The following LEPR variants were observed in gnomAD, a reference collection of about 807,000 sequenced individuals.
LEPR encodes OB receptor.
Under a neutral mutation model 114.7 loss-of-function variants are expected in LEPR, and 56 were observed. That is an observed-to-expected ratio of 0.49 (90% CI 0.39 to 0.61). The LOEUF is 0.61. Among genes scored for constraint, LEPR ranks in the 20% least tolerant of loss-of-function variants. The pLI is 0.00. For missense variants in LEPR, 1,202 were observed against 1,352.9 expected (o/e 0.89, Z 1.75); for synonymous variants, 443 against 461.4 (o/e 0.96, Z 0.51).
intron 6 of LEPR, among the ~76,000 whole-genome samples, chr1:65,595,295 T>G (rs78198348): frequency 2.6e-5 from 1 of 39,102 alleles, no homozygotes; most frequent in African/African-American, 1.2e-4. Context: ...TAGGCATACA[T>G]ATACATAAGG....
At chr1:65,470,712 T>C (rs370521801) in intron 2 of LEPR, among the ~76,000 whole-genome samples, 40 of 152,352 alleles carry the variant, frequency 2.6e-4, no homozygotes, top group African/African-American at 9.1e-4. Context: ...TAACAGGAAT[T>C]AAACTTTATG....
At chr1:65,479,185 C>T (rs189812176) in intron 2 of LEPR, among the ~76,000 whole-genome samples, 66 of 152,104 alleles carry the variant, frequency 4.3e-4, no homozygotes, top group African/African-American at 1.6e-3. Context: ...GAAAAAGGCA[C>T]AGGGAGGAAA....
rs76460993 is a variant in LEPR at position 65,445,059 on chromosome 1, C to T, written c.-21+19681C>T. 5.1e-3 allele frequency among the ~76,000 whole-genome samples: 773 copies of T among 152,232 alleles called. 6 individuals are homozygous for T. Among genetic ancestry groups the T allele is most frequent in the African/African-American group, 0.018 (737 of 41,532 alleles). ...AGATGTGTAGGCTATGGATTGCCAT[C>T]CTAATTGGGACACTTTTGAGAGCAG... On this transcript the variant is annotated intron_variant, in intron 2 of 19. Coordinates refer to ENST00000349533, the MANE Select transcript of LEPR (RefSeq NM_002303.6).
At chr1:65,489,600 T>C (rs1235715380) in intron 2 of LEPR, among the ~76,000 whole-genome samples, 1 of 152,104 alleles carries the variant, frequency 6.6e-6, no homozygotes, top group Non-Finnish European at 1.5e-5. Flanking sequence ...TCTTGCCACA[T>C]AGAAGCTTTT....
chr1:65,488,451 C>G (rs1468944507), intron 2 of LEPR, among the ~76,000 whole-genome samples: 1 of 150,918 alleles, frequency 6.6e-6, no homozygotes, highest in African/African-American at 2.4e-5. Flanking sequence ...CCCATCTCAG[C>G]CTCCCAAGTA....
chr1:65,603,856 A>AT, intron 10 of LEPR, among the ~76,000 whole-genome samples: 1 of 152,054 alleles, frequency 6.6e-6, no homozygotes, highest in Non-Finnish European at 1.5e-5. Context: ...CACTTATAAA[A>AT]TTTTTTTTAA....
chr1:65,551,635 G>A (rs1315115706), intron 2 of LEPR, among the ~76,000 whole-genome samples: 3 of 151,918 alleles, frequency 2.0e-5, no homozygotes, highest in African/African-American at 7.3e-5. Flanking sequence ...GGTCTATTTT[G>A]TTGATCTTTT....
At position 65,469,967 on chromosome 1, in the gene LEPR, CAGCCGGGAAGCCTT is replaced by C. The variant is rs574782508; in HGVS notation, c.-21+44590_-21+44603del. ...ATTTGATGTGAGATTAGGTCAGAGT[CAGCCGGGAAGCCTT>C]CTAAAGCGTGGCATACAGCCAACAA... On this transcript the variant is annotated intron_variant, in intron 2 of 19. Transcript: ENST00000349533. Among the ~76,000 whole-genome samples the C allele has an allele frequency of 2.0e-3, 311 of 152,324 alleles. 11 individuals are homozygous for C. The highest frequency in any genetic ancestry group is 4.6e-4 in the Non-Finnish European group (31 of 68,040).
intron 2 of LEPR, among the ~76,000 whole-genome samples, chr1:65,536,343 C>T (rs976259434): frequency 2.6e-5 from 4 of 152,238 alleles, no homozygotes; most frequent in South Asian, 2.1e-4. Context: ...GGAAGCAACT[C>T]GAGGCCCTCA....
intron 2 of LEPR, among the ~76,000 whole-genome samples, chr1:65,504,592 G>A (rs1648629009): frequency 6.6e-6 from 1 of 152,134 alleles, no homozygotes; most frequent in Non-Finnish European, 1.5e-5. Flanking sequence ...TCTTAAAACT[G>A]TCAAGGCCAT....
chr1:65,636,257 G>T lies in LEPR; in HGVS notation c.2740G>T (p.Glu914Ter). 6.2e-7 allele frequency: 1 copy of T among 1,613,830 alleles called. No homozygotes were observed. Among genetic ancestry groups the T allele is most frequent in the Non-Finnish European group, 8.5e-7 (1 of 1,179,886 alleles). ...ASVTCGPLLL[E>*]PETISEDISV... ...AGTGACATGTGGTCCTCTTCTTTTG[G>T]AGCCTGAAACAATTTCAGAAGATAT... Residue 914 changes from glutamate to a stop codon, truncating the protein, a stop_gained, in exon 20 of 20, where the codon GAG becomes TAG. Coordinates refer to ENST00000349533, the MANE Select transcript of LEPR (RefSeq NM_002303.6). LOFTEE classifies it low-confidence loss of function (END_TRUNC).
At chr1:65,496,987 C>CATAT (rs137868844) in intron 2 of LEPR, among the ~76,000 whole-genome samples, 49,718 of 150,306 alleles carry the variant, frequency 0.33, 10,012 homozygotes, top group Non-Finnish European at 0.46. Flanking sequence ...TGTTCATATA[C>CATAT]ATATATATAT....
chr1:65,483,350 A>G (rs1341388382), intron 2 of LEPR, among the ~76,000 whole-genome samples: 1 of 152,162 alleles, frequency 6.6e-6, no homozygotes, highest in Non-Finnish European at 1.5e-5. Context: ...ATGTATCACC[A>G]TTTCCTACCT....
At chr1:65,456,213 T>C (rs541513518) in intron 2 of LEPR, among the ~76,000 whole-genome samples, 3 of 151,972 alleles carry the variant, frequency 2.0e-5, no homozygotes, top group African/African-American at 7.2e-5. Context: ...ACCTGGTACC[T>C]CAGATGGAAA....
intron 5 of LEPR, among the ~76,000 whole-genome samples, chr1:65,575,799 A>G (rs1316441633): frequency 6.6e-6 from 1 of 151,522 alleles, no homozygotes; most frequent in Non-Finnish European, 1.5e-5. Flanking sequence ...ATTGTGTACA[A>G]ATGAAACTCT....
intron 15 of LEPR, among the ~76,000 whole-genome samples, chr1:65,617,679 G>C (rs975367475): frequency 1.3e-5 from 2 of 152,188 alleles, no homozygotes; most frequent in African/African-American, 4.8e-5. Context: ...TGGTTAATAG[G>C]CTTGTGCAGT....
intron 2 of LEPR, among the ~76,000 whole-genome samples, chr1:65,537,791 C>A (rs17413610): frequency 0.064 from 9,658 of 152,008 alleles, 499 homozygotes; most frequent in South Asian, 0.27. Flanking sequence ...GTATTTTTGT[C>A]TATTGGTTGA....
In LEPR at chr1:65,617,982, T is replaced by G; in HGVS notation, c.2231T>G (p.Leu744Arg). The G allele has an allele frequency of 6.2e-7, 1 of 1,610,990 alleles. No individual in the cohort carries two copies. The highest frequency in any genetic ancestry group is 8.5e-7 in the Non-Finnish European group (1 of 1,178,686). ...CCCTCAGTAAATATCGTGCAGTCAC[T>G]CAGTGCTTATCCTTTAAACAGCAGT... is the stretch of plus-strand genomic sequence containing the variant. ...PMSKVNIVQS[L>R]SAYPLNSSCV... The change falls in exon 16 of 20, where the codon CTC (leucine) becomes CGC (arginine). Residue 744 changes from leucine (L) to arginine (R), a missense_variant. Leu to Arg is a moderately radical substitution (Grantham distance 102, BLOSUM62 -2). Coordinates refer to ENST00000349533, the MANE Select transcript of LEPR (RefSeq NM_002303.6).
rs1420601526 is a variant in LEPR, at chr1:65,638,017, A to C, written c.*1002A>C. ...ATTATGTTTTTAACCTATACCCTAC[A>C]TAGCCATCAATTTAAAAAAACTGAC... On this transcript the variant is annotated 3_prime_UTR_variant, in exon 20 of 20. Transcript: ENST00000349533. 1 of 152,182 alleles carries C rather than the reference A, an allele frequency of 6.6e-6. No homozygotes were observed. The highest frequency in any genetic ancestry group is 1.5e-5 in the Non-Finnish European group (1 of 68,038). 9.4% of individuals were successfully genotyped at this position (152,182 alleles called of 1,614,324 possible).
Sources: gnomAD v4.1 joint callset for allele counts (sites outside exome capture counted in the v4.1 genomes callset) on GRCh38, gnomAD v4.1.1 for gene constraint, MANE v1.5 for transcripts, NCBI Gene and HGNC (gene_info 2026-07-23, HGNC 2026-07-21) for gene names.